ASTN2: variants seen among roughly 807,000 people sequenced by gnomAD.
The protein encoded by ASTN2 is astrotactin 2.
A neutral mutation model predicts 139.8 loss-of-function variants in ASTN2; 54 were observed. The ratio of observed to expected loss-of-function variants is 0.39; its 90% CI spans 0.31 to 0.48. ASTN2 has a LOEUF of 0.48. Ranked by LOEUF, ASTN2 falls within the 20% of genes least tolerant of loss-of-function variation. The pLI, the probability that ASTN2 is intolerant of heterozygous loss-of-function variation, is 0.95. For missense variants in ASTN2, 1,565 were observed against 1,725.1 expected, an observed-to-expected ratio of 0.91 and a Z score of 1.64; for synonymous variants, 756 against 719.5, an observed-to-expected ratio of 1.05 and a Z score of -0.81.
intron 16 of ASTN2, among the ~76,000 whole-genome samples, chr9:116,720,690 G>A (rs1397105286): frequency 6.6e-6 from 1 of 151,832 alleles, no homozygotes; most frequent in African/African-American, 2.4e-5. Flanking sequence ...ACCTTCCATA[G>A]TCAGTTTCTC....
chr9:117,176,578 GA>G (rs940075049), intron 3 of ASTN2, among the ~76,000 whole-genome samples: 20 of 150,796 alleles, frequency 1.3e-4, no homozygotes, highest in African/African-American at 4.6e-4. Flanking sequence ...TTTAATTGAA[GA>G]AAAAAAAAGA....
chr9:116,448,119 C>A (rs1033376022), intron 20 of ASTN2, among the ~76,000 whole-genome samples: 7 of 152,170 alleles, frequency 4.6e-5, no homozygotes, highest in African/African-American at 1.4e-4. Context: ...CTTCCCCAGC[C>A]GCAACATGAT....
chr9:116,494,404 T>G (rs1298248731), intron 19 of ASTN2, among the ~76,000 whole-genome samples: 1 of 152,194 alleles, frequency 6.6e-6, no homozygotes, highest in East Asian at 1.9e-4. Context: ...CCCTGCTCCC[T>G]CAGGTCTGAA....
At chr9:116,817,806 C>CA (rs1831371973) in intron 12 of ASTN2, among the ~76,000 whole-genome samples, 1 of 152,162 alleles carries the variant, frequency 6.6e-6, no homozygotes, top group African/African-American at 2.4e-5. Flanking sequence ...AGCTCCTGTG[C>CA]ATGTATAATT....
chr9:116,757,360 C>T (rs1231955102), intron 13 of ASTN2, among the ~76,000 whole-genome samples: 4 of 152,050 alleles, frequency 2.6e-5, no homozygotes, highest in Non-Finnish European at 5.9e-5. Context: ...ACTTAATTAC[C>T]GAAGACATGA....
At chr9:117,266,942 C>T (rs528832305) in intron 2 of ASTN2, among the ~76,000 whole-genome samples, 39 of 152,276 alleles carry the variant, frequency 2.6e-4, no homozygotes, top group African/African-American at 9.4e-4. Context: ...TGAGCGTATG[C>T]TGGATTTAGT....
intron 7 of ASTN2, among the ~76,000 whole-genome samples, chr9:117,005,521 A>C (rs1246195967): frequency 6.6e-6 from 1 of 152,150 alleles, no homozygotes; most frequent in Non-Finnish European, 1.5e-5. Context: ...ACGTGCCTGC[A>C]ATGGAAATGA....
intron 13 of ASTN2, among the ~76,000 whole-genome samples, chr9:116,740,687 A>AT (rs909696487): frequency 4.8e-4 from 72 of 150,902 alleles, no homozygotes; most frequent in African/African-American, 1.6e-3. Context: ...TAATTTTTTA[A>AT]TTTTTTTTAG....
intron 22 of ASTN2, among the ~76,000 whole-genome samples, chr9:116,427,033 G>A (rs1342141256): frequency 6.6e-6 from 1 of 152,136 alleles, no homozygotes; most frequent in African/African-American, 2.4e-5. Context: ...TATCCAGCAC[G>A]AGAGAGGGGA....
chr9:116,899,911 G>C (rs1024657470), intron 10 of ASTN2, among the ~76,000 whole-genome samples: 1 of 152,092 alleles, frequency 6.6e-6, no homozygotes, highest in Non-Finnish European at 1.5e-5. Context: ...CCGTAAAAGT[G>C]GCTCATCTGG....
intron 19 of ASTN2, among the ~76,000 whole-genome samples, chr9:116,493,516 A>G (rs746415199): frequency 2.5e-4 from 38 of 152,188 alleles, no homozygotes; most frequent in South Asian, 6.2e-4. Flanking sequence ...TCCACAGAAA[A>G]TGTTAATCAT....
intron 1 of ASTN2, among the ~76,000 whole-genome samples, chr9:117,314,665 TATATG>T (rs1036477253): frequency 6.8e-6 from 1 of 146,120 alleles, no homozygotes; most frequent in African/African-American, 2.5e-5. Context: ...TGTATAATTA[TATATG>T]ATATGTTTTT....
intron 4 of ASTN2, among the ~76,000 whole-genome samples, chr9:117,126,736 G>A (rs751731400): frequency 9.9e-5 from 15 of 152,174 alleles, no homozygotes; most frequent in South Asian, 2.1e-4. Context: ...TCCAGTGAAC[G>A]TTTAATAATC....
chr9:116,783,703 T>C lies in ASTN2; in HGVS notation c.2396+21929A>G, dbSNP rs367617410. ...CAGAGTACAAAGCTGTGGTCTCATC[T>C]CTAAACTAAGCTACTGCCTAAACTG... On this transcript the variant is annotated intron_variant, in intron 13 of 22. Coordinates refer to ENST00000313400, the MANE Select transcript of ASTN2 (RefSeq NM_001365068.1). Among the ~76,000 whole-genome samples, 16 of 152,228 alleles carry C rather than the reference T, an allele frequency of 1.1e-4. 1 individual carries two copies. The highest frequency in any genetic ancestry group is 3.9e-4 in the African/African-American group (16 of 41,534).
At chr9:116,687,895 G>A (rs915640430) in intron 16 of ASTN2, among the ~76,000 whole-genome samples, 1 of 151,996 alleles carries the variant, frequency 6.6e-6, no homozygotes, top group Non-Finnish European at 1.5e-5. Context: ...GGTTTTCGGA[G>A]TGGGCTGAGG....
At chr9:116,579,046 C>T (rs1358828759) in intron 19 of ASTN2, 2 of 150,524 alleles carry the variant, frequency 1.3e-5, no homozygotes, top group East Asian at 3.9e-4. Context: ...ATAGTAGAGT[C>T]GAAAGGAAAA....
At chr9:116,929,041 C>T (rs116662267) in intron 10 of ASTN2, among the ~76,000 whole-genome samples, 1,657 of 152,296 alleles carry the variant, frequency 0.011, 20 homozygotes, top group African/African-American at 0.038. Flanking sequence ...CATACGCCTC[C>T]CAGTGGGATC....
chr9:116,852,516 T>C (rs1832633846), intron 11 of ASTN2, among the ~76,000 whole-genome samples: 1 of 152,160 alleles, frequency 6.6e-6, no homozygotes, highest in South Asian at 2.1e-4. Flanking sequence ...GAAAGGCTAT[T>C]GAGTGTTTGA....
At chr9:116,812,778 G>A (rs569619752) in intron 12 of ASTN2, among the ~76,000 whole-genome samples, 1 of 152,238 alleles carries the variant, frequency 6.6e-6, no homozygotes, top group East Asian at 1.9e-4. Context: ...AGACGTGTGT[G>A]TGAATGTGAG....
Sources: gnomAD v4.1 joint callset for allele counts (sites outside exome capture counted in the v4.1 genomes callset) on GRCh38, gnomAD v4.1.1 for gene constraint, MANE v1.5 for transcripts, NCBI Gene and HGNC (gene_info 2026-07-23, HGNC 2026-07-21) for gene names.